The following ZNF385D variants were observed in gnomAD, a reference collection of about 807,000 sequenced individuals.
ZNF385D encodes the protein zinc finger protein 385D.
A neutral mutation model predicts 35.8 loss-of-function variants in ZNF385D; 15 were observed. That is an observed-to-expected ratio of 0.42 (90% CI 0.28 to 0.64). The LOEUF is 0.64. Ranked by LOEUF, ZNF385D falls within the 30% of genes least tolerant of loss-of-function variation. ZNF385D has a pLI of 0.23. For missense variants in ZNF385D, 474 were observed against 494.6 expected (o/e 0.96, Z 0.39); for synonymous variants, 212 against 186.8 (o/e 1.13, Z -1.10).
intron 3 of ZNF385D, among the ~76,000 whole-genome samples, chr3:21,945,895 A>G (rs375197829): frequency 2.1e-4 from 32 of 152,358 alleles, no homozygotes; most frequent in South Asian, 4.1e-4. Context: ...ATTCAGATTA[A>G]TAAGTCTTAC....
intron 2 of ZNF385D, among the ~76,000 whole-genome samples, chr3:21,636,652 G>C (rs765025943): frequency 2.0e-4 from 30 of 151,612 alleles, no homozygotes; most frequent in Non-Finnish European, 4.3e-4. Context: ...CAGCTGATTA[G>C]ATTGTGCCCA....
intron 2 of ZNF385D, among the ~76,000 whole-genome samples, chr3:22,298,149 A>G (rs1471586242): frequency 1.3e-5 from 2 of 152,032 alleles, no homozygotes; most frequent in Non-Finnish European, 2.9e-5. Flanking sequence ...TTAAAATCAA[A>G]GAAAATGTAA....
intron 1 of ZNF385D, among the ~76,000 whole-genome samples, chr3:21,726,613 A>G (rs2068776344): frequency 1.3e-5 from 2 of 152,252 alleles, no homozygotes; most frequent in South Asian, 4.1e-4. Context: ...AATACGACTT[A>G]CAAGGGATAC....
chr3:22,367,795 A>G (rs1198257124), intron 2 of ZNF385D, among the ~76,000 whole-genome samples: 1 of 152,192 alleles, frequency 6.6e-6, no homozygotes, highest in Non-Finnish European at 1.5e-5. Flanking sequence ...ACTCTTCAGT[A>G]ATAAAATCAG....
intron 1 of ZNF385D, among the ~76,000 whole-genome samples, chr3:21,697,155 G>A (rs1200139384): frequency 2.6e-5 from 4 of 152,150 alleles, no homozygotes; most frequent in Non-Finnish European, 4.4e-5. Flanking sequence ...CTTCCTCATC[G>A]TTAAAGGGAG....
rs144821217 is a variant in ZNF385D, at chr3:22,152,593, G to A, written c.325+16224C>T. 1.6e-3 allele frequency among the ~76,000 whole-genome samples: 244 copies of A among 152,158 alleles called. 1 individual carries two copies. Among genetic ancestry groups the A allele is most frequent in the African/African-American group, 5.5e-3 (229 of 41,554 alleles). On this transcript the variant is annotated intron_variant, in intron 3 of 5. Transcript: ENST00000494108. ...ATCCCTTCCTCCATCTCCTAAGTGCGTCGTCACTCTAACCTCTGCTTCCAC... is the reference window on the plus strand; with the variant it reads ...ATCCCTTCCTCCATCTCCTAAGTGCATCGTCACTCTAACCTCTGCTTCCAC...
intron 2 of ZNF385D, among the ~76,000 whole-genome samples, chr3:21,580,511 T>A (rs1045669508): frequency 3.3e-5 from 5 of 152,188 alleles, no homozygotes; most frequent in African/African-American, 1.2e-4. Flanking sequence ...ATGAAAGACA[T>A]AAATTGTGGG....
chr3:22,370,775 G>A (rs965239), intron 2 of ZNF385D, among the ~76,000 whole-genome samples: 103,434 of 152,012 alleles, frequency 0.68, 35,439 homozygotes, highest in South Asian at 0.77. Context: ...AGGCATTTAC[G>A]TTAGCTGTAG....
chr3:21,423,804 T>G (rs1477794908), intron 7 of ZNF385D, among the ~76,000 whole-genome samples, 159 bp downstream of exon 7: 1 of 152,176 alleles, frequency 6.6e-6, no homozygotes, highest in Non-Finnish European at 1.5e-5. Context: ...AAGAGTTTGG[T>G]TTTTCTCTTT....
chr3:22,130,023 C>T (rs1559392048), intron 3 of ZNF385D, among the ~76,000 whole-genome samples: 1 of 152,072 alleles, frequency 6.6e-6, no homozygotes, highest in Non-Finnish European at 1.5e-5. Flanking sequence ...GATTCTTAAG[C>T]CAGCAGGTTG....
At chr3:22,112,274 G>A (rs1168633868) in intron 3 of ZNF385D, among the ~76,000 whole-genome samples, 1 of 152,068 alleles carries the variant, frequency 6.6e-6, no homozygotes, top group African/African-American at 2.4e-5. Context: ...AATAATTTCT[G>A]AATCTCATAG....
chr3:22,119,957 C>T (rs1391445260), intron 3 of ZNF385D, among the ~76,000 whole-genome samples: 10 of 151,560 alleles, frequency 6.6e-5, no homozygotes, highest in African/African-American at 2.2e-4. Flanking sequence ...GCTGGGACCA[C>T]AGGCATGCTC....
At chr3:22,264,007 T>C (rs955114776) in intron 2 of ZNF385D, among the ~76,000 whole-genome samples, 4 of 152,034 alleles carry the variant, frequency 2.6e-5, no homozygotes, top group African/African-American at 9.7e-5. Context: ...ATTGTCTAGC[T>C]GTCATAACTG....
At chr3:21,630,209 T>C (rs562148541) in intron 2 of ZNF385D, among the ~76,000 whole-genome samples, 63 of 151,530 alleles carry the variant, frequency 4.2e-4, no homozygotes, top group African/African-American at 1.5e-3. Flanking sequence ...TTCTTTCTTT[T>C]TTTTTTTTTT....
At chr3:22,146,173 T>A (rs556384661) in intron 3 of ZNF385D, among the ~76,000 whole-genome samples, 1 of 152,324 alleles carries the variant, frequency 6.6e-6, no homozygotes, top group South Asian at 2.1e-4. Flanking sequence ...AACCATCTGG[T>A]CTACTAAAAA....
intron 2 of ZNF385D, among the ~76,000 whole-genome samples, chr3:22,217,992 C>T (rs543975547): frequency 1.3e-5 from 2 of 152,152 alleles, no homozygotes; most frequent in Admixed American, 6.6e-5. Flanking sequence ...TATAGGTTAA[C>T]GCTGAAAGGT....
At chr3:22,001,277 A>C (rs1368195781) in intron 3 of ZNF385D, among the ~76,000 whole-genome samples, 1 of 151,992 alleles carries the variant, frequency 6.6e-6, no homozygotes, top group Non-Finnish European at 1.5e-5. Context: ...ATATGGACTG[A>C]AAGTGAAGAG....
chr3:22,059,494 A>T (rs1023740917), intron 3 of ZNF385D, among the ~76,000 whole-genome samples: 1 of 152,166 alleles, frequency 6.6e-6, no homozygotes, highest in African/African-American at 2.4e-5. Flanking sequence ...ATAAGCGATG[A>T]GTGACAGACG....
chr3:21,774,040 C>T (rs781366613), intron 3 of ZNF385D, among the ~76,000 whole-genome samples: 8 of 151,940 alleles, frequency 5.3e-5, no homozygotes, highest in South Asian at 2.1e-4. Flanking sequence ...CAATGATAGA[C>T]TGCGTAAAGA....
Sources: gnomAD v4.1 joint callset for allele counts (sites outside exome capture counted in the v4.1 genomes callset) on GRCh38, gnomAD v4.1.1 for gene constraint, MANE v1.5 for transcripts, NCBI Gene and HGNC (gene_info 2026-07-23, HGNC 2026-07-21) for gene names.